Variants in ICOS observed in about 807,000 individuals in gnomAD.
ICOS encodes the protein inducible T cell costimulator, also known as inducible T-cell costimulator.
Under a neutral mutation model 24.6 loss-of-function variants are expected in ICOS, and 15 were observed. The ratio of observed to expected loss-of-function variants is 0.61; its 90% CI spans 0.41 to 0.94. The LOEUF (loss-of-function observed/expected upper bound fraction) is 0.94, where lower values mean the gene tolerates loss of function less well. Among genes scored for constraint, ICOS ranks in the 40% least tolerant of loss-of-function variants. The pLI is 0.00. For missense variants in ICOS, 200 were observed against 233.0 expected (o/e 0.86, Z 0.92); for synonymous variants, 89 against 77.5 (o/e 1.15, Z -0.78).
At chr2:203,939,385 T>C (rs149501511) in intron 1 of ICOS, among the ~76,000 whole-genome samples, 31 of 152,268 alleles carry the variant, frequency 2.0e-4, no homozygotes, top group African/African-American at 7.0e-4. Context: ...TTTTTTTTAA[T>C]GAACTTGGAG....
rs1388476459 is a variant in ICOS at position 203,959,619 on chromosome 2, G to C, written c.*20G>C. The C allele has an allele frequency of 6.2e-7, 1 of 1,612,574 alleles. No individual in the cohort carries two copies. The highest frequency in any genetic ancestry group is 1.7e-5 in the Admixed American group (1 of 60,024). ...CTATAATATGGAACTCTGGCACCCA[G>C]GCATGAAGCACGTTGGCCAGTTTTC... On this transcript the variant is annotated 3_prime_UTR_variant, in exon 5 of 5. Transcript: ENST00000316386.
chr2:203,947,828 C>T (rs1689901343), intron 1 of ICOS, among the ~76,000 whole-genome samples: 1 of 152,188 alleles, frequency 6.6e-6, no homozygotes, highest in African/African-American at 2.4e-5. Context: ...TCCAAGACCA[C>T]ATATTCCTTT....
intron 1 of ICOS, among the ~76,000 whole-genome samples, chr2:203,948,884 C>A (rs1689919883): frequency 6.6e-6 from 1 of 152,004 alleles, no homozygotes; most frequent in East Asian, 1.9e-4. Context: ...GTTTGAGGAA[C>A]AGAAAGAAGG....
intron 4 of ICOS, 29 bp downstream of exon 4, chr2:203,957,912 GGAAGAGGTTT>G (rs780068159): frequency 2.1e-6 from 3 of 1,410,486 alleles, no homozygotes; most frequent in Non-Finnish European, 3.0e-6. Flanking sequence ...GTTTGGGAAG[GGAAGAGGTTT>G]CTTCACAGTA....
intron 1 of ICOS, among the ~76,000 whole-genome samples, chr2:203,941,858 T>G (rs975238211): frequency 2.0e-5 from 3 of 152,354 alleles, no homozygotes; most frequent in Admixed American, 6.5e-5. Context: ...ATGATTTTTT[T>G]TTTCAATAGT....
chr2:203,946,008 GC>G (rs1689861027), intron 1 of ICOS, among the ~76,000 whole-genome samples: 1 of 152,116 alleles, frequency 6.6e-6, no homozygotes, highest in South Asian at 2.1e-4. Context: ...CTGAGCAATG[GC>G]AAGCAATGTG....
chr2:203,959,796 C>G lies in ICOS; in HGVS notation c.*197C>G, dbSNP rs549965036. On this transcript the variant is annotated 3_prime_UTR_variant, in exon 5 of 5. Coordinates refer to ENST00000316386, the MANE Select transcript of ICOS (RefSeq NM_012092.4). ...CAGACTGCCTTGGTACTGCCGAGTC[C>G]TCTCAAAACAAACACCCTCTTGCAA... The G allele has an allele frequency of 4.8e-5, 31 of 651,796 alleles. No homozygotes were observed. In the South Asian group the frequency reaches 5.2e-4, roughly 11 times the overall value. 40.4% of individuals were successfully genotyped at this position (651,796 alleles called of 1,614,324 possible). A position where few individuals can be genotyped will look rare whatever the true frequency, so the allele number is the denominator to read the frequency against.
At chr2:203,947,764 T>A (rs1006454789) in intron 1 of ICOS, among the ~76,000 whole-genome samples, 2 of 152,166 alleles carry the variant, frequency 1.3e-5, no homozygotes, top group Non-Finnish European at 2.9e-5. Flanking sequence ...ACAGATATGG[T>A]AGCAAAACAA....
chr2:203,958,306 C>T (rs1044061843), intron 4 of ICOS, among the ~76,000 whole-genome samples: 1 of 152,062 alleles, frequency 6.6e-6, no homozygotes, highest in Non-Finnish European at 1.5e-5. Flanking sequence ...TAATTTTGGA[C>T]TGAGATTAGG....
At chr2:203,953,945 A>T (rs1339996716) in intron 1 of ICOS, among the ~76,000 whole-genome samples, 1 of 152,224 alleles carries the variant, frequency 6.6e-6, no homozygotes, top group Non-Finnish European at 1.5e-5. Flanking sequence ...GAGCAAAAAT[A>T]TACAAATAGT....
chr2:203,943,317 T>G (rs1003347852), intron 1 of ICOS, among the ~76,000 whole-genome samples: 10 of 99,974 alleles, frequency 1.0e-4, no homozygotes, highest in African/African-American at 2.7e-4. Flanking sequence ...CTGAAGGCTG[T>G]TCTTCAGATT....
intron 1 of ICOS, among the ~76,000 whole-genome samples, chr2:203,946,335 G>A (rs926193234): frequency 2.0e-5 from 3 of 151,544 alleles, no homozygotes; most frequent in Non-Finnish European, 2.9e-5. Flanking sequence ...TCCTTGGAGA[G>A]TAAAACAATG....
At chr2:203,949,772 G>A (rs1466339225) in intron 1 of ICOS, among the ~76,000 whole-genome samples, 1 of 152,118 alleles carries the variant, frequency 6.6e-6, no homozygotes, top group African/African-American at 2.4e-5. Context: ...TTTAACTACT[G>A]GTATGGCAAC....
chr2:203,958,626 A>T (rs905248448), intron 4 of ICOS, among the ~76,000 whole-genome samples: 2 of 152,152 alleles, frequency 1.3e-5, no homozygotes, highest in African/African-American at 2.4e-5. Context: ...GCTACAGATT[A>T]TCTAAAGGGG....
intron 1 of ICOS, among the ~76,000 whole-genome samples, chr2:203,944,315 C>T (rs1392872806): frequency 2.0e-5 from 3 of 152,196 alleles, no homozygotes; most frequent in Non-Finnish European, 2.9e-5. Flanking sequence ...CTCCCAGAGC[C>T]TTTCTGCAGC....
chr2:203,938,690 C>A (rs540767592), intron 1 of ICOS, among the ~76,000 whole-genome samples: 41 of 152,312 alleles, frequency 2.7e-4, no homozygotes, highest in African/African-American at 9.9e-4. Context: ...AAAGTAGCAT[C>A]GGTGTCAATT....
chr2:203,943,959 T>C (rs1321390567), intron 1 of ICOS, among the ~76,000 whole-genome samples: 1 of 152,140 alleles, frequency 6.6e-6, no homozygotes, highest in Non-Finnish European at 1.5e-5. Context: ...CCAGATCCCA[T>C]GCAAACGGAA....
At chr2:203,954,566 GGAACAGA>G (rs1258021563) in intron 1 of ICOS, among the ~76,000 whole-genome samples, 1 of 151,776 alleles carries the variant, frequency 6.6e-6, no homozygotes, top group Non-Finnish European at 1.5e-5. Flanking sequence ...TGTAGCCTGG[GGAACAGA>G]GTAAACCCTT....
chr2:203,955,416 A>G (rs1456726051), intron 1 of ICOS, among the ~76,000 whole-genome samples: 1 of 152,152 alleles, frequency 6.6e-6, no homozygotes, highest in African/African-American at 2.4e-5. Context: ...CTATATTCAC[A>G]TATGACAAGC....
Sources: gnomAD v4.1 joint callset for allele counts (sites outside exome capture counted in the v4.1 genomes callset) on GRCh38, gnomAD v4.1.1 for gene constraint, MANE v1.5 for transcripts, NCBI Gene and HGNC (gene_info 2026-07-23, HGNC 2026-07-21) for gene names.